The following CNTN6 variants were observed in gnomAD, a reference collection of about 807,000 sequenced individuals.
CNTN6 encodes contactin 6.
Under a neutral mutation model 122.8 loss-of-function variants are expected in CNTN6, and 137 were observed. That is an observed-to-expected ratio of 1.12 (90% CI 0.97 to 1.29). The LOEUF (loss-of-function observed/expected upper bound fraction) is 1.29. CNTN6 is among the 50% of genes most tolerant of loss of function. CNTN6 has a pLI of 0.00. For synonymous variants in CNTN6, 570 were observed against 426.0 expected, an observed-to-expected ratio of 1.34 and a Z score of -4.16; for missense variants, 1,634 against 1,223.4, an observed-to-expected ratio of 1.34 and a Z score of -5.01.
intron 2 of CNTN6, among the ~76,000 whole-genome samples, chr3:1,177,464 T>C (rs2125323799): frequency 6.6e-6 from 1 of 152,342 alleles, no homozygotes; most frequent in African/African-American, 2.4e-5. Context: ...TTGTCTTCAT[T>C]TATTGCATTT....
intron 11 of CNTN6, among the ~76,000 whole-genome samples, chr3:1,333,523 C>T (rs181198401): frequency 6.6e-6 from 1 of 152,082 alleles, no homozygotes; most frequent in Admixed American, 6.6e-5. Context: ...TACAATGATT[C>T]CAAGTAGAAA....
intron 4 of CNTN6, among the ~76,000 whole-genome samples, chr3:1,260,027 G>A (rs1410260437): frequency 1.3e-5 from 2 of 152,102 alleles, no homozygotes; most frequent in Non-Finnish European, 1.5e-5. Context: ...TAAGGGTCAT[G>A]TAGGCCATGC....
At chr3:1,371,311 T>C (rs1708979566) in intron 12 of CNTN6, among the ~76,000 whole-genome samples, 1 of 152,034 alleles carries the variant, frequency 6.6e-6, no homozygotes, top group African/African-American at 2.4e-5. Context: ...TCTCCATGGG[T>C]CATTTCACTA....
intron 6 of CNTN6, among the ~76,000 whole-genome samples, chr3:1,297,193 G>A (rs567981353): frequency 2.6e-5 from 4 of 151,470 alleles, no homozygotes; most frequent in Non-Finnish European, 4.4e-5. Flanking sequence ...CAATTATATT[G>A]ACCACCAACA....
At chr3:1,277,511 C>T (rs1692624916) in intron 4 of CNTN6, among the ~76,000 whole-genome samples, 1 of 151,754 alleles carries the variant, frequency 6.6e-6, no homozygotes, top group African/African-American at 2.4e-5. Flanking sequence ...CAGGCGTGTG[C>T]CACCATGCCT....
rs139163357 is a variant in CNTN6, at chr3:1,360,937, T to G, written c.1492+8486T>G. On this transcript the variant is annotated intron_variant, in intron 12 of 22. Transcript: ENST00000446702. ...ATTATTTTTAATTTTTTTCTTTCAT[T>G]TAAACCCCATATTCAATTGCCCCAA... 2.2e-3 allele frequency among the ~76,000 whole-genome samples: 332 copies of G among 152,186 alleles called. 14 individuals carry two copies. The East Asian group carries it at 0.059, about 27-fold the overall frequency.
Position 1,295,700 on chromosome 3 carries a change from A to G in CNTN6, c.554A>G (p.Lys185Arg), listed in dbSNP as rs1696102808. 6.2e-7 allele frequency: 1 copy of G among 1,613,948 alleles called. No homozygotes were observed. Among genetic ancestry groups the G allele is most frequent in the African/African-American group, 1.3e-5 (1 of 74,946 alleles). Residue 185 changes from lysine to arginine, a missense_variant, in exon 6 of 23, where the codon AAA becomes AGA. Coordinates refer to ENST00000446702, the MANE Select transcript of CNTN6 (RefSeq NM_001289080.2). Reference protein sequence around the residue: ...SQETGNLYIAKVEPSDVGNYT... With the variant: ...SQETGNLYIARVEPSDVGNYT... ...GAGACGGGAAACTTGTACATTGCCA[A>G]AGTGGAACCATCAGATGTGGGCAAC...
At chr3:1,344,796 A>G (rs1327623062) in intron 11 of CNTN6, among the ~76,000 whole-genome samples, 1 of 152,136 alleles carries the variant, frequency 6.6e-6, no homozygotes, top group Non-Finnish European at 1.5e-5. Context: ...ATTTTCCTGA[A>G]TTTTTTGATA....
At chr3:1,239,661 T>C (rs537864444) in intron 4 of CNTN6, among the ~76,000 whole-genome samples, 2 of 152,204 alleles carry the variant, frequency 1.3e-5, no homozygotes, top group South Asian at 4.1e-4. Flanking sequence ...TTCTCAGAAC[T>C]AGCAAAAACA....
intron 1 of CNTN6, among the ~76,000 whole-genome samples, chr3:1,108,156 G>A (rs1387907642): frequency 6.6e-6 from 1 of 151,880 alleles, no homozygotes; most frequent in African/African-American, 2.4e-5. Context: ...TTTTAACCTT[G>A]GGTAGTAGAA....
intron 20 of CNTN6, among the ~76,000 whole-genome samples, chr3:1,388,251 A>G (rs1256986908): frequency 6.7e-6 from 1 of 148,370 alleles, no homozygotes; most frequent in African/African-American, 2.5e-5. Context: ...TGGGTCCCTG[A>G]CCCCTGACCC....
At chr3:1,250,866 A>G (rs1575423797) in intron 4 of CNTN6, among the ~76,000 whole-genome samples, 1 of 151,920 alleles carries the variant, frequency 6.6e-6, no homozygotes, top group East Asian at 1.9e-4. Flanking sequence ...TACCCCTCTT[A>G]CCACAGGTCT....
At chr3:1,222,611 CT>C (rs1484802857) in intron 3 of CNTN6, among the ~76,000 whole-genome samples, 1 of 152,030 alleles carries the variant, frequency 6.6e-6, no homozygotes, top group African/African-American at 2.4e-5. Context: ...TGTTAAATGG[CT>C]TTTATTTCTA....
Position 1,373,608 on chromosome 3 carries a change from A to G in CNTN6, c.1791A>G (p.Pro597=), listed in dbSNP as rs769051456. The G allele has an allele frequency of 6.2e-6, 10 of 1,610,146 alleles. No homozygotes were observed. The highest frequency in any genetic ancestry group is 8.5e-6 in the Non-Finnish European group (10 of 1,178,342). ...TGATAAAACATTTTTTTCAAGGTCC[A>G]CCAGGTCCTCCTGAGGATGTGCAAG... The part of the protein sequence containing the change: ...SAVADIIVRG[P]PGPPEDVQVE... The change falls in exon 15 of 23, where the codon CCA becomes CCG. Residue 597 remains proline (P), a synonymous_variant. Coordinates refer to ENST00000446702, the MANE Select transcript of CNTN6 (RefSeq NM_001289080.2).
At chr3:1,281,551 G>A (rs1246975162) in intron 5 of CNTN6, among the ~76,000 whole-genome samples, 1 of 147,674 alleles carries the variant, frequency 6.8e-6, no homozygotes, top group Non-Finnish European at 1.5e-5. Flanking sequence ...CACTACCTCC[G>A]CCTCCCAGAT....
At chr3:1,103,044 T>C (rs984958886) in intron 1 of CNTN6, among the ~76,000 whole-genome samples, 6 of 151,476 alleles carry the variant, frequency 4.0e-5, no homozygotes, top group Admixed American at 6.6e-5. Context: ...AGGCGGAGCT[T>C]GCAGTGAGCC....
At chr3:1,187,536 T>TC (rs2093646411) in intron 2 of CNTN6, among the ~76,000 whole-genome samples, 1 of 152,154 alleles carries the variant, frequency 6.6e-6, no homozygotes. Flanking sequence ...TTCTGTAGTT[T>TC]CCCTCCTCTA....
intron 11 of CNTN6, among the ~76,000 whole-genome samples, chr3:1,338,488 TTAGA>T (rs1383934703): frequency 5.9e-5 from 9 of 152,292 alleles, no homozygotes; most frequent in African/African-American, 2.2e-4. Flanking sequence ...ACATATCTAC[TTAGA>T]TAGAAATGTG....
intron 1 of CNTN6, among the ~76,000 whole-genome samples, chr3:1,125,033 C>T (rs2092109465): frequency 6.6e-6 from 1 of 151,774 alleles, no homozygotes; most frequent in Non-Finnish European, 1.5e-5. Flanking sequence ...AGAATGAATA[C>T]AAGAATAAAT....
Sources: gnomAD v4.1 joint callset for allele counts (sites outside exome capture counted in the v4.1 genomes callset) on GRCh38, gnomAD v4.1.1 for gene constraint, MANE v1.5 for transcripts, NCBI Gene and HGNC (gene_info 2026-07-23, HGNC 2026-07-21) for gene names.